AK9: variants seen among roughly 807,000 people sequenced by gnomAD.
AK9 encodes the protein adenylate kinase 9, also known as adenylate kinase domain containing 1.
AK9 carries 191 observed loss-of-function variants against 239.6 expected under a neutral mutation model. The observed-to-expected ratio is 0.80, with a 90% CI of 0.71 to 0.90. AK9 has a LOEUF of 0.90. Ranked by LOEUF, AK9 falls within the 40% of genes least tolerant of loss-of-function variation. AK9 has a pLI of 0.00. For synonymous variants in AK9, 689 were observed against 721.0 expected (o/e 0.96, Z 0.71); for missense variants, 1,995 against 2,214.7 (o/e 0.90, Z 1.99).
intron 8 of AK9, among the ~76,000 whole-genome samples, chr6:109,654,874 C>G (rs956318288): frequency 6.6e-6 from 1 of 152,184 alleles, no homozygotes; most frequent in African/African-American, 2.4e-5. Flanking sequence ...CTTGGAGACA[C>G]ACTGAACTTT....
At chr6:109,525,345 CAAAAGA>C (rs1054691158) in intron 29 of AK9, among the ~76,000 whole-genome samples, 1 of 152,062 alleles carries the variant, frequency 6.6e-6, no homozygotes, top group African/African-American at 2.4e-5. Flanking sequence ...CTTTTTCACG[CAAAAGA>C]AACTATCAAC....
chr6:109,525,410 G>T (rs1780360568), intron 29 of AK9, among the ~76,000 whole-genome samples: 2 of 152,220 alleles, frequency 1.3e-5, no homozygotes, highest in South Asian at 4.1e-4. Context: ...TGCAAACTAT[G>T]CGTACAACAT....
At chr6:109,680,358 A>G (rs1290679541) in intron 1 of AK9, among the ~76,000 whole-genome samples, 1 of 152,210 alleles carries the variant, frequency 6.6e-6, no homozygotes, top group Non-Finnish European at 1.5e-5. Flanking sequence ...CATATCAGTG[A>G]CTGAAGATCA....
At chr6:109,669,803 C>G (rs891130950) in intron 5 of AK9, among the ~76,000 whole-genome samples, 8 of 152,110 alleles carry the variant, frequency 5.3e-5, no homozygotes, top group Non-Finnish European at 4.4e-5. Context: ...GGTTCTAAAA[C>G]AATTCCTGTG....
At position 109,675,701 on chromosome 6, in the gene AK9, T is replaced by C. The variant is rs1442287272; in HGVS notation, c.45A>G (p.Ile15Met). 6.9e-6 allele frequency: 11 copies of C among 1,598,214 alleles called. No individual in the cohort carries two copies. The East Asian group carries it at 2.5e-4, about 37-fold the overall frequency. ...EKTEEYPFAD[I>M]FDEDETERNF... ...TCCTTTCAGTTTCATCTTCATCAAATATATCTGCAAAAGGATACTCTTCTG... is the reference window on the plus strand; with the variant it reads ...TCCTTTCAGTTTCATCTTCATCAAACATATCTGCAAAAGGATACTCTTCTG... Residue 15 changes from isoleucine (I) to methionine (M), a missense_variant, in exon 2 of 41, where the codon ATA becomes ATG. By Grantham distance (10) the Ile-to-Met change is conservative. This residue lies in a region of AK9 where 252 missense variants were observed against 246.4 expected (regional missense o/e 1.02). Transcript: ENST00000424296.
chr6:109,645,690 C>G (rs13195462), intron 8 of AK9, among the ~76,000 whole-genome samples: 32,141 of 152,168 alleles, frequency 0.21, 4,081 homozygotes, highest in Middle Eastern at 0.3. Context: ...TGTCTGACAG[C>G]TTTGAAGACA....
At chr6:109,596,209 G>A (rs1235099940) in intron 17 of AK9, among the ~76,000 whole-genome samples, 1 of 152,186 alleles carries the variant, frequency 6.6e-6, no homozygotes, top group African/African-American at 2.4e-5. Flanking sequence ...GTGGAAGGCA[G>A]AGTGGTCTCA....
chr6:109,546,562 G>T (rs1236772342), intron 25 of AK9, among the ~76,000 whole-genome samples: 2 of 152,120 alleles, frequency 1.3e-5, no homozygotes, highest in Admixed American at 6.6e-5. Flanking sequence ...GATCATCCAC[G>T]GGATGCTGAA....
rs1352897609 is a variant in AK9, at chr6:109,674,244, T to G, written c.135A>C (p.Thr45=). Residue 45 remains threonine (T), a synonymous_variant, in exon 3 of 41, where the codon ACA becomes ACC. Coordinates refer to ENST00000424296, the MANE Select transcript of AK9 (RefSeq NM_001145128.3). ...VFGKPGVGKT[T]LARYITQAWK... is the part of the protein sequence containing the mutation. ...ATGCCTGTGTTATGTAACGGGCTAA[T>G]GTTGTTTTCCCAACACCCTTAAAAA... 3 of 1,588,134 alleles carry G rather than the reference T, an allele frequency of 1.9e-6. No homozygotes were observed. The African/African-American group carries it at 4.1e-5, about 21-fold the overall frequency.
At chr6:109,574,693 ATC>A (rs895499573) in intron 20 of AK9, among the ~76,000 whole-genome samples, 3 of 151,940 alleles carry the variant, frequency 2.0e-5, no homozygotes, top group Non-Finnish European at 4.4e-5. Context: ...TTTTTTTAAC[ATC>A]TGTCTTATCT....
At chr6:109,649,402 T>C (rs924185486) in intron 8 of AK9, among the ~76,000 whole-genome samples, 2 of 152,052 alleles carry the variant, frequency 1.3e-5, no homozygotes, top group Non-Finnish European at 2.9e-5. Flanking sequence ...AGTCTCAGGA[T>C]ACAAAATCAA....
intron 21 of AK9, among the ~76,000 whole-genome samples, chr6:109,571,924 A>G (rs1787462954): frequency 6.6e-6 from 1 of 152,182 alleles, no homozygotes; most frequent in Non-Finnish European, 1.5e-5. Flanking sequence ...GTTAGTATGT[A>G]TAAGAATCAC....
chr6:109,529,040 T>C lies in AK9; in HGVS notation c.3604A>G (p.Ile1202Val). 8 of 1,595,250 alleles carry C rather than the reference T, an allele frequency of 5.0e-6. No homozygotes were observed. Among genetic ancestry groups the C allele is most frequent in the Non-Finnish European group, 6.8e-6 (8 of 1,174,578 alleles). ...CTCCTTTTTTTATCTCTCTCTAATA[T>C]AAGTTCAGCCCTTCTTTTAGCAATC... The part of the protein sequence containing the change: ...DTIAKRRAEL[I>V]LERDKKRREN... The change falls in exon 29 of 41, where the codon ATA (isoleucine) becomes GTA (valine). Residue 1202 changes from isoleucine (I) to valine (V), a missense_variant. Around this residue, in one of 5 missense-constraint regions of AK9, gnomAD observed 1,290 missense variants for 1,392.7 expected, o/e 0.93. Coordinates refer to ENST00000424296, the MANE Select transcript of AK9 (RefSeq NM_001145128.3).
chr6:109,523,314 T>C (rs573850516), intron 29 of AK9, among the ~76,000 whole-genome samples: 1 of 152,238 alleles, frequency 6.6e-6, no homozygotes, highest in Admixed American at 6.5e-5. Flanking sequence ...CATTTAATCT[T>C]GTAGAACAGT....
At chr6:109,610,653 G>T in intron 16 of AK9, 140 bp from the exon 17 acceptor site, 4 of 942,466 alleles carry the variant, frequency 4.2e-6, no homozygotes, top group Non-Finnish European at 6.2e-6. Context: ...GAAGGAGGGA[G>T]AAATAAGACT....
In AK9 at chr6:109,506,378, C is replaced by T; in HGVS notation, c.4798G>A (p.Val1600Ile). The change falls in exon 35 of 41, where the codon GTT (valine) becomes ATT (isoleucine). Residue 1600 changes from valine to isoleucine, a missense_variant. By Grantham distance (29) the Val-to-Ile change is conservative. Transcript: ENST00000424296. ...TGCATGTATTTATTCACCATTTGAACATTCTTAATGACTTCATTCCATACC... is the reference window on the plus strand; with the variant it reads ...TGCATGTATTTATTCACCATTTGAATATTCTTAATGACTTCATTCCATACC... The part of the protein sequence containing the change: ...WWVWNEVIKN[V>I]QMVNKYMQTY... 1 of 1,613,716 alleles carries T rather than the reference C, an allele frequency of 6.2e-7. No homozygotes were observed. The highest frequency in any genetic ancestry group is 2.2e-5 in the East Asian group (1 of 44,804).
intron 17 of AK9, among the ~76,000 whole-genome samples, chr6:109,603,767 G>C (rs546688214): frequency 6.6e-6 from 1 of 152,162 alleles, no homozygotes; most frequent in Non-Finnish European, 1.5e-5. Flanking sequence ...AAGCCTCAGC[G>C]ATGGCAGGCG....
chr6:109,656,681 A>T, intron 8 of AK9, 75 bp downstream of exon 8: 1 of 1,423,916 alleles, frequency 7.0e-7, no homozygotes, highest in Non-Finnish European at 9.6e-7. Flanking sequence ...GGGGATGAAG[A>T]CATGTGAAAG....
At chr6:109,567,365 C>T (rs920159622) in intron 21 of AK9, among the ~76,000 whole-genome samples, 2 of 152,014 alleles carry the variant, frequency 1.3e-5, no homozygotes, top group African/African-American at 4.8e-5. Context: ...ATACACCCTC[C>T]CAAGACTAAA....
Sources: gnomAD v4.1 joint callset for allele counts (sites outside exome capture counted in the v4.1 genomes callset) on GRCh38, gnomAD v4.1.1 for gene constraint, gnomAD v4.1.1 regional missense constraint, MANE v1.5 for transcripts, NCBI Gene and HGNC (gene_info 2026-07-23, HGNC 2026-07-21) for gene names.